The following CMTM8 variants were observed in gnomAD, a reference collection of about 807,000 sequenced individuals.
The protein encoded by CMTM8 is CKLF-like MARVEL transmembrane domain-containing protein 8.
A neutral mutation model predicts 18.6 loss-of-function variants in CMTM8; 12 were observed. That is an observed-to-expected ratio of 0.65 (90% CI 0.41 to 1.05). The LOEUF is 1.05. Among genes scored for constraint, CMTM8 ranks in the 50% least tolerant of loss-of-function variants. CMTM8 has a pLI of 0.00. For synonymous variants in CMTM8, 87 were observed against 90.6 expected, an observed-to-expected ratio of 0.96 and a Z score of 0.23; for missense variants, 217 against 227.2, an observed-to-expected ratio of 0.95 and a Z score of 0.29.
At chr3:32,283,143 T>A (rs1462713902) in intron 1 of CMTM8, among the ~76,000 whole-genome samples, 3 of 152,210 alleles carry the variant, frequency 2.0e-5, no homozygotes, top group Non-Finnish European at 2.9e-5. Flanking sequence ...AAAATAGTTT[T>A]TCATACAGGG....
intron 1 of CMTM8, among the ~76,000 whole-genome samples, chr3:32,327,197 A>C (rs540319364): frequency 3.3e-5 from 5 of 152,346 alleles, no homozygotes; most frequent in African/African-American, 1.2e-4. Context: ...TGGAAACTAA[A>C]TTAGAAAATG....
At chr3:32,279,278 C>T (rs1432429617) in intron 1 of CMTM8, among the ~76,000 whole-genome samples, 2 of 145,916 alleles carry the variant, frequency 1.4e-5, no homozygotes, top group African/African-American at 2.6e-5. Flanking sequence ...GCTGCACCCA[C>T]CAACGTGTCA....
intron 1 of CMTM8, among the ~76,000 whole-genome samples, chr3:32,272,478 C>T (rs1702453718): frequency 6.6e-6 from 1 of 152,112 alleles, no homozygotes; most frequent in South Asian, 2.1e-4. Context: ...CTCTATCTTC[C>T]ATGTCTTTTA....
intron 1 of CMTM8, among the ~76,000 whole-genome samples, chr3:32,312,289 C>T (rs1477829717): frequency 6.6e-6 from 1 of 152,110 alleles, no homozygotes; most frequent in Non-Finnish European, 1.5e-5. Flanking sequence ...GCCCGCATCC[C>T]TCAGATAAAA....
At chr3:32,241,649 G>T (rs1392023889) in intron 1 of CMTM8, among the ~76,000 whole-genome samples, 1 of 152,148 alleles carries the variant, frequency 6.6e-6, no homozygotes, top group African/African-American at 2.4e-5. Flanking sequence ...ATGCATTTTT[G>T]ACTTCGGATA....
intron 1 of CMTM8, among the ~76,000 whole-genome samples, chr3:32,340,248 A>G (rs1696468207): frequency 6.6e-6 from 1 of 152,198 alleles, no homozygotes; most frequent in African/African-American, 2.4e-5. Context: ...GTCCGGTTGT[A>G]TCACCTTAGT....
intron 1 of CMTM8, among the ~76,000 whole-genome samples, chr3:32,354,729 G>A (rs955004735): frequency 5.3e-5 from 8 of 152,094 alleles, no homozygotes. Flanking sequence ...GGGCCGTTCT[G>A]ACCCTATCTC....
chr3:32,340,728 T>C (rs1696476557), intron 1 of CMTM8, among the ~76,000 whole-genome samples: 1 of 152,252 alleles, frequency 6.6e-6, no homozygotes, highest in Non-Finnish European at 1.5e-5. Context: ...CTGTGTTCAT[T>C]GACTATACAA....
chr3:32,343,392 G>T (rs1253943871), intron 1 of CMTM8, among the ~76,000 whole-genome samples: 3 of 152,204 alleles, frequency 2.0e-5, no homozygotes, highest in Non-Finnish European at 4.4e-5. Context: ...ATTTCCACCT[G>T]CAAAGTCTTC....
chr3:32,273,674 G>A (rs1318919009), intron 1 of CMTM8, among the ~76,000 whole-genome samples: 1 of 152,174 alleles, frequency 6.6e-6, no homozygotes, highest in Non-Finnish European at 1.5e-5. Flanking sequence ...GTGCGTTAGT[G>A]CGTGCTGGGA....
At chr3:32,254,550 T>A (rs1702153360) in intron 1 of CMTM8, among the ~76,000 whole-genome samples, 1 of 152,198 alleles carries the variant, frequency 6.6e-6, no homozygotes, top group African/African-American at 2.4e-5. Context: ...AATTCTATTT[T>A]GTTTGGAGTT....
chr3:32,299,316 A>C (rs1271972304), intron 1 of CMTM8, among the ~76,000 whole-genome samples: 1 of 152,088 alleles, frequency 6.6e-6, no homozygotes, highest in Non-Finnish European at 1.5e-5. Flanking sequence ...GGCTTAGGTT[A>C]CTCTGTATTT....
chr3:32,263,562 C>T (rs1324478172), intron 1 of CMTM8, among the ~76,000 whole-genome samples: 4 of 152,198 alleles, frequency 2.6e-5, no homozygotes, highest in South Asian at 2.1e-4. Flanking sequence ...TCCAAAGGAA[C>T]GCAGCTCCTC....
chr3:32,280,846 C>CAAAAA (rs60845487), intron 1 of CMTM8, among the ~76,000 whole-genome samples: 5 of 68,170 alleles, frequency 7.3e-5, no homozygotes, highest in African/African-American at 1.2e-4. Flanking sequence ...AGAAAATAGG[C>CAAAAA]AAAAAAAAAA....
intron 1 of CMTM8, among the ~76,000 whole-genome samples, chr3:32,319,121 C>A (rs1695994677): frequency 8.4e-6 from 1 of 119,130 alleles, no homozygotes; most frequent in East Asian, 2.7e-4. Context: ...TCTTGTCGCC[C>A]AGGCTGGAGT....
intron 1 of CMTM8, chr3:32,259,934 C>G: frequency 8.8e-7 from 1 of 1,140,892 alleles, no homozygotes; most frequent in Non-Finnish European, 1.3e-6. Flanking sequence ...CCGCTACACC[C>G]TGCAGATAGA....
intron 1 of CMTM8, among the ~76,000 whole-genome samples, chr3:32,272,077 A>T (rs563105206): frequency 6.6e-6 from 1 of 152,298 alleles, no homozygotes; most frequent in South Asian, 2.1e-4. Context: ...TTCTTGAAAG[A>T]TAATTATACA....
At chr3:32,320,680 G>A (rs1399577226) in intron 1 of CMTM8, among the ~76,000 whole-genome samples, 1 of 152,220 alleles carries the variant, frequency 6.6e-6, no homozygotes, top group Non-Finnish European at 1.5e-5. Context: ...GATGCCTCAA[G>A]ATATGCCCAG....
chr3:32,298,876 CACAT>C (rs1695542421), intron 1 of CMTM8, among the ~76,000 whole-genome samples: 3 of 145,808 alleles, frequency 2.1e-5, no homozygotes, highest in African/African-American at 5.0e-5. Context: ...TATATACACA[CACAT>C]ACATATATAT....
Sources: gnomAD v4.1 joint callset for allele counts (sites outside exome capture counted in the v4.1 genomes callset) on GRCh38, gnomAD v4.1.1 for gene constraint, MANE v1.5 for transcripts, NCBI Gene and HGNC (gene_info 2026-07-23, HGNC 2026-07-21) for gene names.